The following MYO3A variants were observed in gnomAD, a reference collection of about 807,000 sequenced individuals.
MYO3A encodes the protein myosin IIIA, also known as myosin-IIIa.
Under a neutral mutation model 192.7 loss-of-function variants are expected in MYO3A, and 180 were observed. The ratio of observed to expected loss-of-function variants is 0.93; its 90% confidence interval spans 0.83 to 1.06. The LOEUF is 1.06. MYO3A is among the 50% of genes least tolerant of loss of function. The probability of loss-of-function intolerance (pLI) is 0.00; values close to 1 mark genes in which losing one functional copy is unlikely to be tolerated. For synonymous variants in MYO3A, 628 were observed against 645.3 expected (o/e 0.97, Z 0.41); for missense variants, 1,896 against 1,905.0 (o/e 1.00, Z 0.09).
At chr10:25,956,495 A>ATTTTTTTT (rs562368305) in intron 4 of MYO3A, among the ~76,000 whole-genome samples, 6 of 128,846 alleles carry the variant, frequency 4.7e-5, no homozygotes, top group African/African-American at 5.9e-5. Context: ...GCCCAGCTAA[A>ATTTTTTTT]TTTTTTTTTT....
intron 4 of MYO3A, among the ~76,000 whole-genome samples, chr10:25,977,326 C>G (rs1839018285): frequency 6.6e-6 from 1 of 152,008 alleles, no homozygotes; most frequent in African/African-American, 2.4e-5. Flanking sequence ...AAAACTAAAC[C>G]ACTGATCCTA....
chr10:26,068,917 T>G, intron 12 of MYO3A, 33 bp downstream of exon 12: 1 of 1,305,954 alleles, frequency 7.7e-7, no homozygotes, highest in Non-Finnish European at 1.1e-6. Flanking sequence ...TGTTACTTCA[T>G]ACACATAATT....
intron 2 of MYO3A, among the ~76,000 whole-genome samples, chr10:25,936,133 A>T (rs1836046785): frequency 6.6e-6 from 1 of 152,100 alleles, no homozygotes; most frequent in African/African-American, 2.4e-5. Flanking sequence ...TTTAATATCA[A>T]CTTAATATAT....
intron 10 of MYO3A, among the ~76,000 whole-genome samples, chr10:26,044,996 C>A (rs76087407): frequency 0.16 from 24,654 of 152,214 alleles, 2,295 homozygotes; most frequent in Non-Finnish European, 0.21. Flanking sequence ...CACCCAGAGC[C>A]TCAGCAGCAG....
At chr10:26,177,418 T>G (rs1451630880) in intron 31 of MYO3A, among the ~76,000 whole-genome samples, 1 of 152,160 alleles carries the variant, frequency 6.6e-6, no homozygotes, top group African/African-American at 2.4e-5. Context: ...TAGTCTCTGG[T>G]CATTTGCCCA....
chr10:26,114,893 A>T (rs763583807), intron 17 of MYO3A, among the ~76,000 whole-genome samples: 2 of 152,238 alleles, frequency 1.3e-5, no homozygotes, highest in African/African-American at 4.8e-5. Context: ...TTTCACGGAA[A>T]CACGAAGTCT....
intron 14 of MYO3A, among the ~76,000 whole-genome samples, chr10:26,078,849 A>G (rs1564527050): frequency 6.6e-6 from 1 of 152,010 alleles, no homozygotes; most frequent in Admixed American, 6.6e-5. Flanking sequence ...TTCCAGTTTT[A>G]TTCCTTCTGG....
intron 10 of MYO3A, among the ~76,000 whole-genome samples, chr10:26,037,046 T>A (rs963843231): frequency 6.6e-6 from 1 of 152,186 alleles, no homozygotes; most frequent in Non-Finnish European, 1.5e-5. Flanking sequence ...ATTTTGTGAC[T>A]CTGTACAAGT....
At chr10:26,024,388 T>G (rs1186278173) in intron 9 of MYO3A, among the ~76,000 whole-genome samples, 1 of 152,210 alleles carries the variant, frequency 6.6e-6, no homozygotes, top group Non-Finnish European at 1.5e-5. Flanking sequence ...GATGGGTCTC[T>G]TAGCATACCA....
intron 26 of MYO3A, among the ~76,000 whole-genome samples, chr10:26,164,369 G>T (rs546329233): frequency 2.4e-5 from 3 of 125,866 alleles, no homozygotes; most frequent in Non-Finnish European, 5.4e-5. Context: ...CACAGGCGGA[G>T]GATGAAAATC....
Position 26,170,519 on chromosome 10 carries a change from G to A in MYO3A, c.3378G>A (p.Lys1126=), listed in dbSNP as rs1841996315. 1.2e-6 allele frequency: 2 copies of A among 1,611,548 alleles called. No homozygotes were observed. Among genetic ancestry groups the A allele is most frequent in the South Asian group, 2.2e-5 (2 of 90,888 alleles). ...CTTCTGATCAGGAATTCGACTACAA[G>A]AAAAACTTTGAAAATACAAGGTATA... is the stretch of plus-strand genomic sequence containing the variant. ...IQTSDQEFDY[K]KNFENTRESF... The change falls in exon 29 of 35, where the codon AAG becomes AAA. Residue 1126 remains lysine (K), a synonymous_variant. Coordinates refer to ENST00000642920, the MANE Select transcript of MYO3A (RefSeq NM_017433.5).
intron 29 of MYO3A, among the ~76,000 whole-genome samples, chr10:26,172,248 T>C (rs1842085895): frequency 6.6e-6 from 1 of 152,234 alleles, no homozygotes; most frequent in African/African-American, 2.4e-5. Flanking sequence ...AGCGCTTGTT[T>C]TCACTTAACC....
At chr10:26,155,882 T>TATG (rs1286463823) in intron 25 of MYO3A, among the ~76,000 whole-genome samples, 1 of 152,216 alleles carries the variant, frequency 6.6e-6, no homozygotes, top group Non-Finnish European at 1.5e-5. Context: ...TCAAACACTG[T>TATG]ATGTATGTTT....
chr10:26,202,569 A>C (rs1477074724), intron 33 of MYO3A, among the ~76,000 whole-genome samples: 1 of 152,208 alleles, frequency 6.6e-6, no homozygotes, highest in Non-Finnish European at 1.5e-5. Context: ...GGGCTGATAA[A>C]ATTTGAAAAT....
intron 14 of MYO3A, among the ~76,000 whole-genome samples, chr10:26,072,619 G>A (rs1442263622): frequency 6.6e-6 from 1 of 151,998 alleles, no homozygotes; most frequent in Admixed American, 6.5e-5. Context: ...AGGCCTGAAG[G>A]TGGTTCATCA....
At chr10:26,104,866 T>TAC (rs60219721) in intron 17 of MYO3A, among the ~76,000 whole-genome samples, 42,757 of 147,920 alleles carry the variant, frequency 0.29, 6,455 homozygotes, top group East Asian at 0.53. Context: ...TGTTTATAGA[T>TAC]ACACACACAC....
intron 4 of MYO3A, among the ~76,000 whole-genome samples, chr10:25,978,356 T>C (rs1839088571): frequency 6.6e-6 from 1 of 152,176 alleles, no homozygotes; most frequent in Non-Finnish European, 1.5e-5. Flanking sequence ...CTCACAAACA[T>C]GGCAGAAGGC....
chr10:26,036,768 T>C (rs1478705642), intron 10 of MYO3A, among the ~76,000 whole-genome samples: 1 of 152,224 alleles, frequency 6.6e-6, no homozygotes, highest in African/African-American at 2.4e-5. Context: ...CACTTGCTGG[T>C]TGCTGAACCT....
chr10:25,937,983 A>C (rs900234495), intron 2 of MYO3A, among the ~76,000 whole-genome samples: 1 of 152,196 alleles, frequency 6.6e-6, no homozygotes, highest in Non-Finnish European at 1.5e-5. Context: ...AGCTAGACCC[A>C]TTCCTCTGTT....
Sources: allele counts gnomAD v4.1 joint callset (sites outside exome capture counted in the v4.1 genomes callset), GRCh38; gene constraint gnomAD v4.1.1; transcripts MANE v1.5; gene names NCBI Gene and HGNC (gene_info 2026-07-23, HGNC 2026-07-21).